SPOP: variants seen among roughly 807,000 people sequenced by gnomAD.
SPOP encodes the protein speckle-type POZ protein.
In SPOP, 11 loss-of-function variants were observed where a neutral mutation model predicts 45.6. That is an observed-to-expected ratio of 0.24 (90% CI 0.15 to 0.40). SPOP has a LOEUF of 0.40. Among genes scored for constraint, SPOP ranks in the 10% least tolerant of loss-of-function variants. The probability of loss-of-function intolerance (pLI) is 1.00; values close to 1 mark genes in which losing one functional copy is unlikely to be tolerated. For missense variants in SPOP, 152 were observed against 465.6 expected, an observed-to-expected ratio of 0.33 and a Z score of 6.20; for synonymous variants, 166 against 166.3, an observed-to-expected ratio of 1.00 and a Z score of 0.01.
chr17:49,644,509 T>A (rs1423552526), intron 1 of SPOP, among the ~76,000 whole-genome samples: 1 of 152,164 alleles, frequency 6.6e-6, no homozygotes, highest in Admixed American at 6.6e-5. Flanking sequence ...AGAAAAGATA[T>A]GTACAAGGTT....
chr17:49,666,448 GACACACACACACAC>G lies in SPOP; in HGVS notation c.-67+11471_-67+11484del, dbSNP rs36210011. Among the ~76,000 whole-genome samples, 48 of 142,122 alleles carry G rather than the reference GACACACACACACAC, an allele frequency of 3.4e-4. 1 individual carries two copies. Among genetic ancestry groups the G allele is most frequent in the African/African-American group, 6.3e-4 (24 of 38,278 alleles). 93.2% of individuals were successfully genotyped at this position (142,122 alleles called of 152,430 possible). A position where few individuals can be genotyped will look rare whatever the true frequency, so the allele number is the denominator to read the frequency against. The stretch of plus-strand genomic sequence containing the variant: ...AGGGGAGGATTCCTTCATGAAGACA[GACACACACACACAC>G]ACACACACACACACACACACACACA... On this transcript the variant is annotated intron_variant, in intron 1 of 9. Coordinates refer to ENST00000504102, the MANE Select transcript of SPOP (RefSeq NM_001007228.2).
At chr17:49,670,867 T>TA (rs202240495) in intron 1 of SPOP, among the ~76,000 whole-genome samples, 4 of 151,896 alleles carry the variant, frequency 2.6e-5, no homozygotes, top group Admixed American at 2.6e-4. Context: ...AATCTAGTAA[T>TA]AAAAAAAATA....
intron 1 of SPOP, among the ~76,000 whole-genome samples, chr17:49,668,392 T>C (rs2073090512): frequency 6.6e-6 from 1 of 152,124 alleles, no homozygotes; most frequent in African/African-American, 2.4e-5. Flanking sequence ...GTTACATGTA[T>C]CAACATAAAT....
chr17:49,632,495 CTT>C (rs914600791), intron 1 of SPOP, among the ~76,000 whole-genome samples: 7 of 145,582 alleles, frequency 4.8e-5, no homozygotes, highest in Non-Finnish European at 6.1e-5. Context: ...TTAAATTCTT[CTT>C]TTTTTTTTTT....
chr17:49,633,686 G>A (rs938876878), intron 1 of SPOP, among the ~76,000 whole-genome samples: 1 of 152,152 alleles, frequency 6.6e-6, no homozygotes, highest in Non-Finnish European at 1.5e-5. Flanking sequence ...AGAATGCAAT[G>A]TATCTCTGCT....
chr17:49,604,329 C>T (rs2143129096), intron 8 of SPOP, among the ~76,000 whole-genome samples: 1 of 152,280 alleles, frequency 6.6e-6, no homozygotes. Context: ...CTCATAAAGT[C>T]TTGAAAAGTG....
Position 49,599,223 on chromosome 17 carries a change from G to A in SPOP, c.*1155C>T. 4.5e-6 allele frequency: 1 copy of A among 221,378 alleles called. No individual in the cohort carries two copies. The highest frequency in any genetic ancestry group is 6.6e-5 in the East Asian group (1 of 15,164). 13.7% of individuals were successfully genotyped at this position (221,378 alleles called of 1,614,324 possible). A position where few individuals can be genotyped will look rare whatever the true frequency, so the allele number is the denominator to read the frequency against. On this transcript the variant is annotated 3_prime_UTR_variant, in exon 10 of 10. Coordinates refer to ENST00000504102, the MANE Select transcript of SPOP (RefSeq NM_001007228.2). ...TAGGACTTCAAAATCCCTTAAGCAA[G>A]GGACTCAGACCCAAGAGACAAGGCA...
At chr17:49,630,227 C>A (rs1413695939) in intron 1 of SPOP, among the ~76,000 whole-genome samples, 1 of 152,178 alleles carries the variant, frequency 6.6e-6, no homozygotes, top group Non-Finnish European at 1.5e-5. Flanking sequence ...CTTTTGTATA[C>A]TAATTTTTGA....
intron 1 of SPOP, among the ~76,000 whole-genome samples, chr17:49,655,879 T>C (rs1363083046): frequency 6.6e-6 from 1 of 152,196 alleles, no homozygotes; most frequent in East Asian, 1.9e-4. Context: ...AGCGCAATCT[T>C]GGCTCACCGC....
At chr17:49,649,000 G>A (rs940091081) in intron 1 of SPOP, among the ~76,000 whole-genome samples, 4 of 151,952 alleles carry the variant, frequency 2.6e-5, no homozygotes, top group African/African-American at 9.7e-5. Flanking sequence ...CCCATGATCC[G>A]CCAGCCTTGG....
chr17:49,656,328 TA>T, intron 1 of SPOP, among the ~76,000 whole-genome samples: 1 of 152,316 alleles, frequency 6.6e-6, no homozygotes, highest in East Asian at 1.9e-4. Flanking sequence ...GTATTTCTTG[TA>T]AAAAGAGACT....
Position 49,611,363 on chromosome 17 carries a change from C to A in SPOP, c.575G>T (p.Gly192Val). Reference protein sequence around the residue: ...PECRLADELGGLWENSRFTDC... With the variant: ...PECRLADELGVLWENSRFTDC... Reference sequence around the variant, plus strand: ...TGTGAACCGGGAATTCTCCCACAGTCCTCCTAACTCATCTGCCAGCCGGCA... The same window carrying A: ...TGTGAACCGGGAATTCTCCCACAGTACTCCTAACTCATCTGCCAGCCGGCA... Residue 192 changes from glycine to valine, a missense_variant, in exon 6 of 10, where the codon GGA becomes GTA. Physicochemically the swap from Gly to Val is moderately radical, Grantham distance 109. Coordinates refer to ENST00000504102, the MANE Select transcript of SPOP (RefSeq NM_001007228.2). 1 of 1,614,192 alleles carries A rather than the reference C, an allele frequency of 6.2e-7. No individual in the cohort carries two copies. Among genetic ancestry groups the A allele is most frequent in the Non-Finnish European group, 8.5e-7 (1 of 1,180,038 alleles).
At chr17:49,664,867 G>C (rs1243140826) in intron 1 of SPOP, among the ~76,000 whole-genome samples, 2 of 152,128 alleles carry the variant, frequency 1.3e-5, no homozygotes, top group South Asian at 4.1e-4. Flanking sequence ...CTACTGTTTT[G>C]GTTCCAGCCT....
intron 1 of SPOP, among the ~76,000 whole-genome samples, chr17:49,647,346 T>A (rs1233196405): frequency 6.9e-6 from 1 of 145,384 alleles, no homozygotes; most frequent in Non-Finnish European, 1.5e-5. Flanking sequence ...AAAAAAAAGT[T>A]CTTTTGTTCT....
chr17:49,649,172 T>C (rs2072804472), intron 1 of SPOP, among the ~76,000 whole-genome samples: 1 of 152,244 alleles, frequency 6.6e-6, no homozygotes, highest in Non-Finnish European at 1.5e-5. Context: ...TATTTTTTAT[T>C]TGCCTTAAAG....
intron 1 of SPOP, among the ~76,000 whole-genome samples, chr17:49,639,350 A>G (rs558122941): frequency 2.6e-5 from 4 of 152,304 alleles, no homozygotes; most frequent in Non-Finnish European, 4.4e-5. Context: ...CCAGTTTGGA[A>G]AATAGTTTAT....
chr17:49,600,598 A>C lies in SPOP; in HGVS notation c.981-76T>G. ...AATTCAACAGCCACCTAGATAGCCT[A>C]ATTTTCCACTGTTAGGTATAAAGGG... is the stretch of plus-strand genomic sequence containing the variant. On this transcript the variant is annotated intron_variant, in intron 9 of 9. Transcript: ENST00000504102. This position sits in a 1 kb window ranked among gnomAD's most constrained non-coding sequence, Gnocchi z 4.2. 6.5e-7 allele frequency: 1 copy of C among 1,533,994 alleles called. No individual in the cohort carries two copies. Among genetic ancestry groups the C allele is most frequent in the Non-Finnish European group, 9.0e-7 (1 of 1,113,488 alleles).
chr17:49,669,075 CT>C (rs34762029), intron 1 of SPOP, among the ~76,000 whole-genome samples: 107,817 of 148,830 alleles, frequency 0.72, 39,653 homozygotes, highest in East Asian at 1. Context: ...CGCGCCCGGC[CT>C]TTTTTTTTTG....
intron 5 of SPOP, among the ~76,000 whole-genome samples, chr17:49,612,421 T>C (rs1408777750): frequency 6.6e-6 from 1 of 152,226 alleles, no homozygotes; most frequent in Admixed American, 6.5e-5. Flanking sequence ...GATAATGACA[T>C]ACAAGATGCT....
Sources: gnomAD v4.1 joint callset for allele counts (sites outside exome capture counted in the v4.1 genomes callset) on GRCh38, gnomAD v4.1.1 for gene constraint, Gnocchi (gnomAD v3.1) non-coding constraint, MANE v1.5 for transcripts, NCBI Gene and HGNC (gene_info 2026-07-23, HGNC 2026-07-21) for gene names.